DZIP3: variants seen among roughly 807,000 people sequenced by gnomAD.
DZIP3 encodes the protein E3 ubiquitin-protein ligase DZIP3.
Under a neutral mutation model 162.0 loss-of-function variants are expected in DZIP3, and 118 were observed. That is an observed-to-expected ratio of 0.73 (90% CI 0.63 to 0.85). The LOEUF is 0.85. Among genes scored for constraint, DZIP3 ranks in the 40% least tolerant of loss-of-function variants. The pLI, the probability that DZIP3 is intolerant of heterozygous loss-of-function variation, is 0.00. For synonymous variants in DZIP3, 438 were observed against 458.6 expected (o/e 0.96, Z 0.57); for missense variants, 1,331 against 1,407.0 (o/e 0.95, Z 0.86).
chr3:108,607,979 A>G, intron 2 of DZIP3, 110 bp from the exon 3 acceptor site: 5 of 908,536 alleles, frequency 5.5e-6, no homozygotes, highest in Non-Finnish European at 8.9e-6. Flanking sequence ...TCTTTGATAC[A>G]TTTTGGTTAC....
Position 108,694,091 on chromosome 3 carries a change from A to G in DZIP3, c.*738A>G, listed in dbSNP as rs1374258365. Reference sequence around the variant, plus strand: ...CACAGTTTCACCTCCATTTAAATTTATGGGGAAGAATAAATGTTTCCTGAC... The same window carrying G: ...CACAGTTTCACCTCCATTTAAATTTGTGGGGAAGAATAAATGTTTCCTGAC... On this transcript the variant is annotated 3_prime_UTR_variant, in exon 33 of 33. Coordinates refer to ENST00000361582, the MANE Select transcript of DZIP3 (RefSeq NM_014648.4). The G allele has an allele frequency of 6.6e-6, 1 of 152,146 alleles. No homozygotes were observed. The highest frequency in any genetic ancestry group is 2.4e-5 in the African/African-American group (1 of 41,444). The allele number at this position is 152,146 out of a possible 1,614,324, so 9.4% of individuals were successfully genotyped here.
chr3:108,693,018 A>C (rs1222370217), intron 32 of DZIP3, among the ~76,000 whole-genome samples: 2 of 151,188 alleles, frequency 1.3e-5, no homozygotes, highest in Non-Finnish European at 2.9e-5. Flanking sequence ...TGTGCCTGTC[A>C]TGTGAGGGAC....
chr3:108,627,885 GT>G (rs545939893), intron 7 of DZIP3, among the ~76,000 whole-genome samples: 76 of 146,460 alleles, frequency 5.2e-4, no homozygotes, highest in Admixed American at 2.2e-3. Context: ...GGTAAGGGAA[GT>G]TTTTTTTTTT....
Position 108,625,966 on chromosome 3 carries a change from A to C in DZIP3, c.578A>C (p.Lys193Thr), listed in dbSNP as rs755530822. 2.2e-5 allele frequency: 35 copies of C among 1,611,406 alleles called. 1 individual carries two copies. In the South Asian group the frequency reaches 3.9e-4, roughly 18 times the overall value. ...FGRGLLRCAQ[K>T]RYNGGLLEFH... ...CGTGGTTTACTGCGATGTGCTCAAA[A>C]GAGGTAAGGATTTTAATTAACGGGT... Residue 193 changes from lysine to threonine, a missense_variant, in exon 7 of 33, where the codon AAG becomes ACG. By Grantham distance (78) the Lys-to-Thr change is moderately conservative. Around this residue, in one of 2 missense-constraint regions of DZIP3, gnomAD observed 1,278 missense variants for 1,317.1 expected, o/e 0.97. Coordinates refer to ENST00000361582, the MANE Select transcript of DZIP3 (RefSeq NM_014648.4).
At chr3:108,689,286 C>G (rs561391446) in intron 31 of DZIP3, among the ~76,000 whole-genome samples, 1 of 152,288 alleles carries the variant, frequency 6.6e-6, no homozygotes, top group South Asian at 2.1e-4. Context: ...ACATAGTGTC[C>G]TTTGTCCATA....
chr3:108,645,256 T>G (rs183192242), intron 14 of DZIP3, among the ~76,000 whole-genome samples: 1 of 152,296 alleles, frequency 6.6e-6, no homozygotes, highest in African/African-American at 2.4e-5. Context: ...GTTTTATCAC[T>G]TTAAGTGGAG....
intron 21 of DZIP3, among the ~76,000 whole-genome samples, chr3:108,662,934 T>C (rs569471398): frequency 6.6e-6 from 1 of 152,312 alleles, no homozygotes; most frequent in East Asian, 1.9e-4. Flanking sequence ...CCAAGAAGTC[T>C]AGTTTAAAAT....
intron 25 of DZIP3, among the ~76,000 whole-genome samples, chr3:108,676,565 G>T (rs921611932): frequency 6.6e-6 from 1 of 151,692 alleles, no homozygotes; most frequent in Non-Finnish European, 1.5e-5. Flanking sequence ...ATATACTAAG[G>T]TTGATAGATA....
chr3:108,636,006 G>A (rs1022094640), intron 10 of DZIP3, among the ~76,000 whole-genome samples: 1 of 151,856 alleles, frequency 6.6e-6, no homozygotes, highest in Non-Finnish European at 1.5e-5. Context: ...AAGCTCTGAA[G>A]TAAGGATAAG....
chr3:108,637,130 G>T (rs533303204), intron 11 of DZIP3, among the ~76,000 whole-genome samples: 22 of 152,014 alleles, frequency 1.4e-4, no homozygotes, highest in African/African-American at 5.3e-4. Flanking sequence ...GCACTCAGAT[G>T]ATATCCATTT....
intron 1 of DZIP3, among the ~76,000 whole-genome samples, chr3:108,594,451 A>G (rs1939603269): frequency 9.1e-6 from 1 of 110,276 alleles, no homozygotes; most frequent in African/African-American, 3.6e-5. Context: ...CCATATATAT[A>G]TAACTTTCAA....
At chr3:108,609,370 G>T (rs896662409) in intron 3 of DZIP3, among the ~76,000 whole-genome samples, 1 of 152,178 alleles carries the variant, frequency 6.6e-6, no homozygotes, top group Non-Finnish European at 1.5e-5. Flanking sequence ...GGGTTGTACA[G>T]TTGAGCAAAG....
chr3:108,676,776 A>T (rs1474572470), intron 25 of DZIP3, among the ~76,000 whole-genome samples: 1 of 152,084 alleles, frequency 6.6e-6, no homozygotes, highest in African/African-American at 2.4e-5. Flanking sequence ...GCCTCAAAAG[A>T]CCTGCCCCAT....
chr3:108,673,532 T>TA (rs1048350213), intron 23 of DZIP3, among the ~76,000 whole-genome samples: 6 of 151,938 alleles, frequency 3.9e-5, no homozygotes, highest in Non-Finnish European at 7.4e-5. Flanking sequence ...TGTTTAGTAG[T>TA]AAAAAACAGA....
At chr3:108,610,296 G>A (rs1313951900) in intron 3 of DZIP3, among the ~76,000 whole-genome samples, 1 of 152,100 alleles carries the variant, frequency 6.6e-6, no homozygotes, top group Non-Finnish European at 1.5e-5. Flanking sequence ...GTTATTTTAT[G>A]TTTATATATT....
chr3:108,640,959 T>TA (rs1942376159), intron 12 of DZIP3, among the ~76,000 whole-genome samples: 1 of 152,080 alleles, frequency 6.6e-6, no homozygotes, highest in African/African-American at 2.4e-5. Context: ...GTTTTTTTTT[T>TA]ATTCCATTTG....
intron 1 of DZIP3, among the ~76,000 whole-genome samples, chr3:108,602,048 G>A (rs1940049174): frequency 6.6e-6 from 1 of 152,062 alleles, no homozygotes; most frequent in Middle Eastern, 3.2e-3. Context: ...CTTTCCAGGC[G>A]GCCAGCAGTA....
intron 24 of DZIP3, 147 bp from the exon 25 acceptor site, chr3:108,675,639 C>T: frequency 1.8e-6 from 1 of 553,402 alleles, no homozygotes; most frequent in Non-Finnish European, 3.1e-6. Flanking sequence ...GTCCATACCT[C>T]TTTATGTCCA....
At chr3:108,606,551 A>G (rs774899731) in intron 2 of DZIP3, among the ~76,000 whole-genome samples, 48 of 152,328 alleles carry the variant, frequency 3.2e-4, no homozygotes, top group Non-Finnish European at 5.4e-4. Context: ...AGAAAAAATA[A>G]TTATTCCACA....
Sources: allele counts gnomAD v4.1 joint callset (sites outside exome capture counted in the v4.1 genomes callset), GRCh38; gene constraint gnomAD v4.1.1; regional missense constraint gnomAD v4.1.1; transcripts MANE v1.5; gene names NCBI Gene and HGNC (gene_info 2026-07-23, HGNC 2026-07-21).